SEC24B: variants seen among roughly 807,000 people sequenced by gnomAD.
The protein encoded by SEC24B is SEC24 homolog B, COPII component, also known as protein transport protein Sec24B.
Under a neutral mutation model 142.8 loss-of-function variants are expected in SEC24B, and 45 were observed. That is an observed-to-expected ratio of 0.32 (90% CI 0.25 to 0.40). The LOEUF is 0.40. Among genes scored for constraint, SEC24B ranks in the 10% least tolerant of loss-of-function variants. The pLI, the probability that SEC24B is intolerant of heterozygous loss-of-function variation, is 1.00. For synonymous variants in SEC24B, 574 were observed against 568.2 expected (o/e 1.01, Z -0.15); for missense variants, 1,409 against 1,526.8 (o/e 0.92, Z 1.29).
rs113196087 is a variant in SEC24B, at chr4:109,467,951, G to A, written c.877+4307G>A. Among the ~76,000 whole-genome samples the A allele has an allele frequency of 4.9e-3, 739 of 152,160 alleles. 3 individuals are homozygous for A. The highest frequency in any genetic ancestry group is 8.9e-3 in the Non-Finnish European group (603 of 67,992). On this transcript the variant is annotated intron_variant, in intron 2 of 23. Coordinates refer to ENST00000265175, the MANE Select transcript of SEC24B (RefSeq NM_006323.5). ...GATCTTAGCCAAAAGGCCGAGAAGC[G>A]GTATATAATTCTTAAATAAAAGTCC...
chr4:109,516,379 C>T (rs566510015), intron 10 of SEC24B, 149 bp from the exon 11 acceptor site: 1 of 548,278 alleles, frequency 1.8e-6, no homozygotes, highest in Admixed American at 3.3e-5. Context: ...AAAAGCATAT[C>T]ATTTTCATGA....
chr4:109,506,468 A>C lies in SEC24B; in HGVS notation c.1629A>C (p.Val543=). Residue 543 remains valine (V), a synonymous_variant, in exon 7 of 24, where the codon GTA becomes GTC. Coordinates refer to ENST00000265175, the MANE Select transcript of SEC24B (RefSeq NM_006323.5). ...CTATGACTCCTGTTTGGGCTCCTGT[A>C]CCTAACTTGAATGCAGACCTCAAAA... is the stretch of plus-strand genomic sequence containing the variant. ...ILPMTPVWAP[V]PNLNADLKKL... is the part of the protein sequence containing the mutation. 3.1e-6 allele frequency: 5 copies of C among 1,600,358 alleles called. No homozygotes were observed. The highest frequency in any genetic ancestry group is 4.3e-6 in the Non-Finnish European group (5 of 1,174,026).
chr4:109,434,211 T>TGGGACGCCCCTGGCGTGGGGGC (rs1225277770), intron 1 of SEC24B, among the ~76,000 whole-genome samples: 5 of 54,976 alleles, frequency 9.1e-5, no homozygotes, highest in Non-Finnish European at 1.5e-4. Flanking sequence ...CGCGCGGGGG[T>TGGGACGCCCCTGGCGTGGGGGC]GGGACGCCCC....
At chr4:109,474,610 A>G (rs1005407451) in intron 3 of SEC24B, among the ~76,000 whole-genome samples, 9 of 151,954 alleles carry the variant, frequency 5.9e-5, no homozygotes, top group African/African-American at 2.2e-4. Flanking sequence ...TTTTTGGTGG[A>G]GATGGGGTTT....
At chr4:109,499,098 GGTTGTAA>G (rs934093466) in intron 6 of SEC24B, among the ~76,000 whole-genome samples, 7 of 152,126 alleles carry the variant, frequency 4.6e-5, no homozygotes, top group African/African-American at 1.7e-4. Flanking sequence ...ATTTCTACCA[GGTTGTAA>G]ACAGCAATGC....
In SEC24B at chr4:109,515,865, C is replaced by G. The variant is rs574317337; in HGVS notation, c.2014-663C>G. ...AACCAGCCTGGCCAACATAGTGAACCCCCCCCCACCCCCATCTCTACCAAA... is the reference window on the plus strand; with the variant it reads ...AACCAGCCTGGCCAACATAGTGAACGCCCCCCCACCCCCATCTCTACCAAA... On this transcript the variant is annotated intron_variant, in intron 10 of 23. Coordinates refer to ENST00000265175, the MANE Select transcript of SEC24B (RefSeq NM_006323.5). 1.7e-3 allele frequency among the ~76,000 whole-genome samples: 242 copies of G among 146,634 alleles called. 1 individual carries two copies. The highest frequency in any genetic ancestry group is 5.5e-3 in the African/African-American group (220 of 40,148).
At chr4:109,506,042 G>A (rs997629824) in intron 6 of SEC24B, among the ~76,000 whole-genome samples, 1 of 152,168 alleles carries the variant, frequency 6.6e-6, no homozygotes, top group Non-Finnish European at 1.5e-5. Context: ...GGCACTTATC[G>A]TGTTTTTCAA....
In SEC24B at chr4:109,463,535, A is replaced by G. The variant is rs1731532705; in HGVS notation, c.768A>G (p.Gly256=). The G allele has an allele frequency of 1.2e-6, 2 of 1,614,030 alleles. No individual in the cohort carries two copies. The highest frequency in any genetic ancestry group is 1.7e-6 in the Non-Finnish European group (2 of 1,180,050). The change falls in exon 2 of 24, where the codon GGA becomes GGG. Residue 256 remains glycine (G), a synonymous_variant. Transcript: ENST00000265175. ...QQHHQQQSLS[G]YSTLTWSSPG... ...ACCACCAGCAGCAAAGTCTTTCAGG[A>G]TACAGTACTCTAACGTGGTCATCTC...
chr4:109,537,136 A>G (rs1296623371), intron 22 of SEC24B, among the ~76,000 whole-genome samples: 2 of 152,156 alleles, frequency 1.3e-5, no homozygotes, highest in Non-Finnish European at 2.9e-5. Flanking sequence ...AGAATAAAGT[A>G]GAGGTCATAT....
At chr4:109,505,405 TA>T (rs1256115050) in intron 6 of SEC24B, among the ~76,000 whole-genome samples, 1 of 152,054 alleles carries the variant, frequency 6.6e-6, no homozygotes, top group Non-Finnish European at 1.5e-5. Flanking sequence ...ATGTATATTA[TA>T]GGATAAAATA....
At chr4:109,521,982 C>T (rs1200659886) in intron 14 of SEC24B, among the ~76,000 whole-genome samples, 1 of 152,040 alleles carries the variant, frequency 6.6e-6, no homozygotes, top group Non-Finnish European at 1.5e-5. Context: ...CCGCCTGCCT[C>T]AGCCTCCCAA....
chr4:109,445,945 CAAAT>C (rs1561062316), intron 1 of SEC24B, among the ~76,000 whole-genome samples: 2 of 147,234 alleles, frequency 1.4e-5, no homozygotes. Context: ...GTGCAATAAT[CAAAT>C]TAATTTATTC....
Position 109,539,795 on chromosome 4 carries a change from C to T in SEC24B, c.*120C>T. The stretch of plus-strand genomic sequence containing the variant: ...TTAATACAAGATGCAACGCACAGCA[C>T]TCTGTCTGAGGCTTTGGTAAAAAGT... On this transcript the variant is annotated 3_prime_UTR_variant, in exon 24 of 24. Transcript: ENST00000265175. 1 of 654,602 alleles carries T rather than the reference C, an allele frequency of 1.5e-6. No homozygotes were observed. 40.5% of individuals were successfully genotyped at this position (654,602 alleles called of 1,614,324 possible).
intron 6 of SEC24B, among the ~76,000 whole-genome samples, chr4:109,500,073 A>AT (rs1735950417): frequency 6.6e-6 from 1 of 152,196 alleles, no homozygotes. Flanking sequence ...TTGTGTATTC[A>AT]TTTTCAACAA....
chr4:109,440,407 A>G (rs529961821), intron 1 of SEC24B, among the ~76,000 whole-genome samples: 17 of 152,356 alleles, frequency 1.1e-4, no homozygotes, highest in Non-Finnish European at 2.1e-4. Context: ...TTTCCTAGAA[A>G]TGAGGCATCT....
chr4:109,485,146 C>T (rs957924437), intron 4 of SEC24B, among the ~76,000 whole-genome samples: 3 of 152,154 alleles, frequency 2.0e-5, no homozygotes, highest in Non-Finnish European at 4.4e-5. Context: ...ATTGAAGATA[C>T]TGTTTGTAAA....
chr4:109,480,616 G>T (rs2125981746), intron 3 of SEC24B, among the ~76,000 whole-genome samples: 1 of 152,210 alleles, frequency 6.6e-6, no homozygotes, highest in South Asian at 2.1e-4. Flanking sequence ...AAGTAGCTGG[G>T]ACTACAGGCG....
chr4:109,511,722 C>G (rs1347221306), intron 8 of SEC24B, among the ~76,000 whole-genome samples: 1 of 152,124 alleles, frequency 6.6e-6, no homozygotes, highest in Non-Finnish European at 1.5e-5. Context: ...ACATTATTTT[C>G]TTGGCCAATG....
chr4:109,505,202 A>G (rs372615732), intron 6 of SEC24B, among the ~76,000 whole-genome samples: 2 of 152,108 alleles, frequency 1.3e-5, no homozygotes, highest in Non-Finnish European at 2.9e-5. Flanking sequence ...ATTAAAAATG[A>G]TCCTTAAATA....
Sources: gnomAD v4.1 joint callset for allele counts (sites outside exome capture counted in the v4.1 genomes callset) on GRCh38, gnomAD v4.1.1 for gene constraint, MANE v1.5 for transcripts, NCBI Gene and HGNC (gene_info 2026-07-23, HGNC 2026-07-21) for gene names.